The following TSHR variants were observed in gnomAD, a reference collection of about 807,000 sequenced individuals.
TSHR encodes thyrotropin receptor.
In TSHR, 51 loss-of-function variants were observed where a neutral mutation model predicts 64.1. The observed-to-expected ratio is 0.80, with a 90% confidence interval of 0.64 to 1.01. The LOEUF is 1.01. Among genes scored for constraint, TSHR ranks in the 50% least tolerant of loss-of-function variants. The pLI is 0.00. For missense variants in TSHR, 877 were observed against 942.8 expected (o/e 0.93, Z 0.91); for synonymous variants, 361 against 361.9 (o/e 1.00, Z 0.03).
intron 3 of TSHR, among the ~76,000 whole-genome samples, chr14:81,076,703 T>G (rs753304458): frequency 6.6e-6 from 1 of 152,196 alleles, no homozygotes; most frequent in Non-Finnish European, 1.5e-5. Context: ...AAATGTATCC[T>G]CTTCCTCTCC....
At chr14:81,099,386 A>C (rs1889426984) in intron 7 of TSHR, 1 of 152,028 alleles carries the variant, frequency 6.6e-6, no homozygotes. Flanking sequence ...GGGATTCATC[A>C]TGGCTGACTT....
intron 7 of TSHR, chr14:81,104,525 A>G (rs1889771927): frequency 3.5e-5 from 34 of 985,310 alleles, no homozygotes; most frequent in Non-Finnish European, 4.0e-5. Context: ...TAAACCTGGT[A>G]TAGAGGGTGC....
At position 81,068,354 on chromosome 14, in the gene TSHR, A is replaced by G. The variant is rs1168801855; in HGVS notation, c.317+26A>G. ...GTAAGTACAAGGAAAAGTGCAGCAT[A>G]GACCTAAGCCACAACCACTCTTGAC... is the stretch of plus-strand genomic sequence containing the variant. On this transcript the variant is annotated intron_variant, in intron 3 of 9. Transcript: ENST00000298171. The G allele has an allele frequency of 1.9e-6, 3 of 1,608,458 alleles. No homozygotes were observed. In the South Asian group the frequency reaches 3.3e-5, roughly 18 times the overall value.
chr14:81,054,491 A>C (rs568260440), intron 1 of TSHR, among the ~76,000 whole-genome samples: 95 of 152,300 alleles, frequency 6.2e-4, no homozygotes, highest in African/African-American at 2.2e-3. Context: ...GCTCAGAAGA[A>C]AACAGGAAAA....
chr14:81,044,569 A>G (rs1438429009), intron 1 of TSHR, among the ~76,000 whole-genome samples: 2 of 150,918 alleles, frequency 1.3e-5, no homozygotes, highest in African/African-American at 4.9e-5. Flanking sequence ...GAGGCAGGAG[A>G]CTTGCTTGAA....
chr14:81,001,701 G>C (rs1019920584), intron 1 of TSHR: 2 of 481,464 alleles, frequency 4.2e-6, no homozygotes, highest in Non-Finnish European at 8.2e-6. Context: ...GTTGGCCTGG[G>C]CAGTTTCACG....
At position 80,983,594 on chromosome 14, in the gene TSHR, C is replaced by T. The variant is rs1237538397; in HGVS notation, c.170+27744C>T. The T allele has an allele frequency of 1.2e-5, 12 of 1,033,554 alleles. No homozygotes were observed. In the African/African-American group the frequency reaches 1.4e-4, roughly 12 times the overall value. The allele number at this position is 1,033,554 out of a possible 1,614,324, so 64.0% of individuals were successfully genotyped here. A position where few individuals can be genotyped will look rare whatever the true frequency, so the allele number is the denominator to read the frequency against. On this transcript the variant is annotated intron_variant, in intron 1 of 9. Coordinates refer to ENST00000298171, the MANE Select transcript of TSHR (RefSeq NM_000369.5). ...TTGATCACTTGAGTTATAATACACT[C>T]ATGGGCATTCTCAGGGAAGTTAAAG...
intron 3 of TSHR, among the ~76,000 whole-genome samples, chr14:81,081,759 C>G (rs1390875173): frequency 2.6e-5 from 4 of 152,130 alleles, no homozygotes; most frequent in Non-Finnish European, 5.9e-5. Flanking sequence ...ATGGCTTGGG[C>G]AATATATACA....
chr14:81,108,434 A>T lies in TSHR; in HGVS notation c.674A>T (p.Tyr225Phe). Reference protein sequence around the residue: ...VIDKDAFGGVYSGPSLLDVSQ... With the variant: ...VIDKDAFGGVFSGPSLLDVSQ... ...GACAAAGATGCATTTGGAGGAGTAT[A>T]CAGTGGACCAAGCTTGCTGTGAGTA... Residue 225 changes from tyrosine to phenylalanine, a missense_variant, in exon 8 of 10, where the codon TAC (tyrosine) becomes TTC (phenylalanine). Transcript: ENST00000298171. 1 of 1,613,732 alleles carries T rather than the reference A, an allele frequency of 6.2e-7. No individual in the cohort carries two copies. The highest frequency in any genetic ancestry group is 1.7e-5 in the Admixed American group (1 of 60,010).
chr14:81,020,969 C>T (rs1448867297), intron 1 of TSHR, among the ~76,000 whole-genome samples: 1 of 151,808 alleles, frequency 6.6e-6, no homozygotes, highest in Non-Finnish European at 1.5e-5. Context: ...AAGCAACACA[C>T]TTTGGGTGTC....
At chr14:81,048,651 A>T (rs937324426) in intron 1 of TSHR, among the ~76,000 whole-genome samples, 2 of 152,230 alleles carry the variant, frequency 1.3e-5, no homozygotes, top group African/African-American at 4.8e-5. Flanking sequence ...GTTATTATAA[A>T]ATAAAAAATT....
intron 1 of TSHR, among the ~76,000 whole-genome samples, chr14:81,039,439 A>G (rs1262581467): frequency 6.6e-6 from 1 of 151,964 alleles, no homozygotes; most frequent in African/African-American, 2.4e-5. Context: ...CAAGACAAGC[A>G]TGCCCACTTT....
At chr14:81,080,385 G>C (rs1411115367) in intron 3 of TSHR, among the ~76,000 whole-genome samples, 1 of 152,210 alleles carries the variant, frequency 6.6e-6, no homozygotes, top group Non-Finnish European at 1.5e-5. Flanking sequence ...GGATGCATCA[G>C]AGGTTTCAAA....
intron 2 of TSHR, among the ~76,000 whole-genome samples, chr14:81,067,820 A>G (rs914709075): frequency 3.4e-5 from 5 of 149,030 alleles, no homozygotes. Context: ...AGAGTGAATA[A>G]GAAGCATTTT....
chr14:80,979,857 A>G (rs1307148957), intron 1 of TSHR, among the ~76,000 whole-genome samples: 1 of 151,938 alleles, frequency 6.6e-6, no homozygotes, highest in African/African-American at 2.4e-5. Context: ...TTCCACCTGA[A>G]TGGAAATGGA....
chr14:80,996,727 G>A (rs1260839917), intron 1 of TSHR, among the ~76,000 whole-genome samples: 4 of 152,098 alleles, frequency 2.6e-5, no homozygotes, highest in Admixed American at 1.3e-4. Flanking sequence ...ACTCTCTTTT[G>A]TACTAGTTCC....
chr14:81,103,585 A>G lies in TSHR; in HGVS notation c.615-4790A>G. 3.0e-6 allele frequency: 3 copies of G among 985,482 alleles called. No individual in the cohort carries two copies. The highest frequency in any genetic ancestry group is 3.6e-6 in the Non-Finnish European group (3 of 829,940). 61.0% of individuals were successfully genotyped at this position (985,482 alleles called of 1,614,324 possible). On this transcript the variant is annotated intron_variant, in intron 7 of 9. Transcript: ENST00000298171. The surrounding 1 kb of genome is among the most constrained non-coding windows in gnomAD (Gnocchi z 4.1). ...AGCAATTAGTTAGGATTTCATGAAA[A>G]TGATGGCAGATGTGTAAAAGCACAT...
intron 1 of TSHR, among the ~76,000 whole-genome samples, chr14:80,974,124 T>C (rs1196036982): frequency 1.3e-5 from 2 of 152,194 alleles, no homozygotes; most frequent in Non-Finnish European, 2.9e-5. Context: ...CTATTATTAC[T>C]AATGCGGTGG....
intron 1 of TSHR, among the ~76,000 whole-genome samples, chr14:81,026,754 G>T (rs1884076594): frequency 6.6e-6 from 1 of 152,090 alleles, no homozygotes; most frequent in Non-Finnish European, 1.5e-5. Flanking sequence ...AAAAGCTTTG[G>T]GCCAGGCACA....
Sources: gnomAD v4.1 joint callset for allele counts (sites outside exome capture counted in the v4.1 genomes callset) on GRCh38, gnomAD v4.1.1 for gene constraint, Gnocchi (gnomAD v3.1) non-coding constraint, MANE v1.5 for transcripts, NCBI Gene and HGNC (gene_info 2026-07-23, HGNC 2026-07-21) for gene names.